The following TSPEAR variants were observed in gnomAD, a reference collection of about 807,000 sequenced individuals.
TSPEAR encodes thrombospondin type laminin G domain and EAR repeats.
Under a neutral mutation model 71.6 loss-of-function variants are expected in TSPEAR, and 69 were observed. The observed-to-expected ratio is 0.96, with a 90% CI of 0.79 to 1.18. The LOEUF (loss-of-function observed/expected upper bound fraction) is 1.18. TSPEAR is among the 50% of genes most tolerant of loss of function. TSPEAR has a pLI of 0.00. For synonymous variants in TSPEAR, 402 were observed against 387.2 expected (o/e 1.04, Z -0.45); for missense variants, 971 against 894.9 (o/e 1.09, Z -1.09).
intron 2 of TSPEAR, among the ~76,000 whole-genome samples, chr21:44,554,429 C>T (rs1273540952): frequency 1.3e-5 from 2 of 152,212 alleles, no homozygotes; most frequent in Non-Finnish European, 2.9e-5. Context: ...GAAGCAAAGA[C>T]AAGAGTTCCA....
In TSPEAR at chr21:44,542,742, T is replaced by TAAA. The variant is rs11404148; in HGVS notation, c.304-8822_304-8820dup. 3.8e-3 allele frequency among the ~76,000 whole-genome samples: 459 copies of TAAA among 119,992 alleles called. 3 individuals carry two copies. Among genetic ancestry groups the TAAA allele is most frequent in the Middle Eastern group, 8.0e-3 (2 of 250 alleles). 78.7% of individuals were successfully genotyped at this position (119,992 alleles called of 152,430 possible). A position where few individuals can be genotyped will look rare whatever the true frequency, so the allele number is the denominator to read the frequency against. ...ACCTGGGCAACAGAAAGAGACCTGTTAAAAAAAAAAAAAAAAGAAAAAGAA... is the reference window on the plus strand; with the variant it reads ...ACCTGGGCAACAGAAAGAGACCTGTTAAAAAAAAAAAAAAAAAAAGAAAAAGAA... On this transcript the variant is annotated intron_variant, in intron 2 of 11. Coordinates refer to ENST00000323084, the MANE Select transcript of TSPEAR (RefSeq NM_144991.3).
Position 44,525,813 on chromosome 21 carries a change from T to C in TSPEAR, c.1176A>G (p.Glu392=). ...KKIFLAVANF[E]PDEKGQEFSV... Reference sequence around the variant, plus strand: ...AGAACTCCTGACCCTTCTCATCTGGTTCAAAATTAGCCACTGCCAGGAAGA... The same window carrying C: ...AGAACTCCTGACCCTTCTCATCTGGCTCAAAATTAGCCACTGCCAGGAAGA... Residue 392 remains glutamate, a synonymous_variant, in exon 8 of 12, where the codon GAA becomes GAG. Transcript: ENST00000323084. The C allele has an allele frequency of 1.2e-6, 2 of 1,614,002 alleles. No individual in the cohort carries two copies. The highest frequency in any genetic ancestry group is 1.7e-6 in the Non-Finnish European group (2 of 1,180,030).
chr21:44,566,013 C>G (rs2146067532), intron 2 of TSPEAR, among the ~76,000 whole-genome samples: 1 of 152,268 alleles, frequency 6.6e-6, no homozygotes, highest in African/African-American at 2.4e-5. Context: ...AACCCTGTCT[C>G]TACTAAAAAT....
chr21:44,689,739 A>ATATATATATTTTTTTTTTTT (rs1555949531), intron 1 of TSPEAR, among the ~76,000 whole-genome samples: 1 of 128,172 alleles, frequency 7.8e-6, no homozygotes, highest in African/African-American at 3.2e-5. Context: ...ATATATATAT[A>ATATATATATTTTTTTTTTTT]TTTTGGGGGG....
intron 1 of TSPEAR, among the ~76,000 whole-genome samples, chr21:44,604,515 A>G (rs188710777): frequency 1.5e-4 from 23 of 152,160 alleles, no homozygotes; most frequent in Non-Finnish European, 3.1e-4. Context: ...TGAGATCTCT[A>G]TATAAGATCA....
intron 1 of TSPEAR, chr21:44,600,586 C>T (rs202222041): frequency 6.3e-7 from 1 of 1,592,652 alleles, no homozygotes; most frequent in Admixed American, 1.7e-5. Flanking sequence ...ACTCACTCAC[C>T]CACTCACTCC....
chr21:44,658,329 GT>G, intron 1 of TSPEAR: 1 of 1,532,136 alleles, frequency 6.5e-7, no homozygotes, highest in Non-Finnish European at 9.0e-7. Context: ...TAAGCATCTG[GT>G]GGACCCCCAG....
intron 1 of TSPEAR, among the ~76,000 whole-genome samples, chr21:44,655,289 G>A (rs1985078060): frequency 6.6e-6 from 1 of 152,160 alleles, no homozygotes; most frequent in African/African-American, 2.4e-5. Context: ...TTCACTCTGG[G>A]ATCCATGGTC....
At chr21:44,653,403 C>T (rs587723428) in intron 1 of TSPEAR, among the ~76,000 whole-genome samples, 6 of 152,244 alleles carry the variant, frequency 3.9e-5, no homozygotes, top group East Asian at 1.9e-4. Context: ...GGGCTGCCCC[C>T]GGGCTGGTGT....
At chr21:44,630,001 C>G (rs1179640649) in intron 1 of TSPEAR, among the ~76,000 whole-genome samples, 3 of 152,108 alleles carry the variant, frequency 2.0e-5, no homozygotes, top group Admixed American at 1.3e-4. Context: ...GCATCTTGCA[C>G]AGGCTTCCTG....
intron 9 of TSPEAR, among the ~76,000 whole-genome samples, chr21:44,512,382 G>T (rs1363644821): frequency 6.6e-6 from 1 of 151,902 alleles, no homozygotes; most frequent in Non-Finnish European, 1.5e-5. Context: ...GGAAAGAAGG[G>T]TGGTGGTCTT....
chr21:44,701,769 T>C (rs1987658951), intron 1 of TSPEAR, among the ~76,000 whole-genome samples: 1 of 101,990 alleles, frequency 9.8e-6, no homozygotes, highest in South Asian at 2.6e-4. Flanking sequence ...CTCACTCACC[T>C]GCCACTCCCC....
At chr21:44,698,427 G>A (rs574299175) in intron 1 of TSPEAR, among the ~76,000 whole-genome samples, 27 of 152,298 alleles carry the variant, frequency 1.8e-4, no homozygotes, top group Non-Finnish European at 3.5e-4. Context: ...CACTGGTGCC[G>A]TCCCCGCAGG....
intron 1 of TSPEAR, chr21:44,677,900 G>A (rs1014788343): frequency 2.1e-6 from 3 of 1,401,700 alleles, no homozygotes; most frequent in East Asian, 2.3e-5. Flanking sequence ...TGGCATATAG[G>A]ATAGTGCCAC....
chr21:44,505,030 A>C, intron 10 of TSPEAR, 149 bp from the exon 11 acceptor site: 1 of 595,326 alleles, frequency 1.7e-6, no homozygotes, highest in Non-Finnish European at 3.0e-6. Context: ...GTGTTGGTCT[A>C]TTCCAGGAAA....
intron 1 of TSPEAR, among the ~76,000 whole-genome samples, chr21:44,680,551 G>A (rs1986532583): frequency 6.6e-6 from 1 of 152,120 alleles, no homozygotes; most frequent in African/African-American, 2.4e-5. Context: ...TTTATTCAAA[G>A]GATAGGGAAT....
chr21:44,563,823 A>G (rs115728), intron 2 of TSPEAR, among the ~76,000 whole-genome samples: 141,652 of 152,272 alleles, frequency 0.93, 66,036 homozygotes, highest in Non-Finnish European at 0.96. Context: ...AGTGTTATAT[A>G]TGTTTAATAA....
At chr21:44,572,834 GACACACACACACACACACACACACAC>G (rs71199612) in intron 1 of TSPEAR, among the ~76,000 whole-genome samples, 20 of 124,804 alleles carry the variant, frequency 1.6e-4, no homozygotes, top group African/African-American at 4.0e-4. Flanking sequence ...GGGAGATTTG[GACACACACACACACACACACACACAC>G]ACACACACAC....
intron 1 of TSPEAR, among the ~76,000 whole-genome samples, chr21:44,633,087 T>A (rs1197858197): frequency 2.0e-5 from 3 of 152,198 alleles, no homozygotes; most frequent in Non-Finnish European, 1.5e-5. Flanking sequence ...CCACTTTCAT[T>A]TCTGATTTTA....
Sources: allele counts gnomAD v4.1 joint callset (sites outside exome capture counted in the v4.1 genomes callset), GRCh38; gene constraint gnomAD v4.1.1; transcripts MANE v1.5; gene names NCBI Gene and HGNC (gene_info 2026-07-23, HGNC 2026-07-21).